NOX4: variants seen among roughly 807,000 people sequenced by gnomAD.
NOX4 encodes NADPH oxidase 4, also known as kidney oxidase-1.
NOX4 carries 69 observed loss-of-function variants against 87.6 expected under a neutral mutation model. The observed-to-expected ratio is 0.79, with a 90% CI of 0.65 to 0.96. The LOEUF is 0.96. Ranked by LOEUF, NOX4 falls within the 40% of genes least tolerant of loss-of-function variation. NOX4 has a pLI of 0.00. For synonymous variants in NOX4, 275 were observed against 238.2 expected (o/e 1.15, Z -1.42); for missense variants, 680 against 681.5 (o/e 1.00, Z 0.02).
chr11:89,491,401 C>T (rs1020260310), upstream of NOX4: 9 of 670,090 alleles, frequency 1.3e-5, no homozygotes, highest in Non-Finnish European at 2.1e-5. Context: ...CGGCGCCGAG[C>T]CAGCCCGGGC....
chr11:89,453,104 C>T (rs1945040818), intron 2 of NOX4, among the ~76,000 whole-genome samples: 1 of 152,072 alleles, frequency 6.6e-6, no homozygotes, highest in African/African-American at 2.4e-5. Flanking sequence ...ACAATACACA[C>T]TATTATTAAC....
intron 13 of NOX4, among the ~76,000 whole-genome samples, chr11:89,342,949 G>A: frequency 6.6e-6 from 1 of 152,090 alleles, no homozygotes; most frequent in East Asian, 1.9e-4. Context: ...ATTCAGGGAA[G>A]CAAAAAGTCC....
chr11:89,511,659 GC>G, the NOX4 span, among the ~76,000 whole-genome samples: 1 of 151,874 alleles, frequency 6.6e-6, no homozygotes, highest in South Asian at 2.1e-4. Flanking sequence ...ATCAGATTTG[GC>G]CAACTCTTGA....
chr11:89,391,939 CCCCTTCCCCTTCTCCT>C (rs1478338887), intron 11 of NOX4, among the ~76,000 whole-genome samples: 3 of 148,128 alleles, frequency 2.0e-5, no homozygotes, highest in African/African-American at 7.5e-5. Context: ...CCTTCCCCTT[CCCCTTCCCCTTCTCCT>C]TCCTTCCTTC....
chr11:89,560,018 T>C, the NOX4 span, among the ~76,000 whole-genome samples: 1 of 152,086 alleles, frequency 6.6e-6, no homozygotes, highest in African/African-American at 2.4e-5. Context: ...CATTTGGAAG[T>C]TGGGTCTTTG....
intron 6 of NOX4, among the ~76,000 whole-genome samples, chr11:89,434,445 T>C (rs947421022): frequency 1.8e-4 from 28 of 152,052 alleles, no homozygotes; most frequent in Non-Finnish European, 7.4e-5. Flanking sequence ...GTACTTCCTT[T>C]TTCATGATTT....
chr11:89,505,515 T>A, the NOX4 span, among the ~76,000 whole-genome samples: 1 of 151,422 alleles, frequency 6.6e-6, no homozygotes, highest in Non-Finnish European at 1.5e-5. Context: ...CTCAGAGGAG[T>A]CTCAGATACT....
At chr11:89,476,685 G>T (rs1946181999) in intron 2 of NOX4, among the ~76,000 whole-genome samples, 1 of 152,084 alleles carries the variant, frequency 6.6e-6, no homozygotes, top group South Asian at 2.1e-4. Context: ...TCATGATGAT[G>T]CTATTTGAAG....
rs1939998609 is a variant in NOX4, at chr11:89,378,201, G to T, written c.1075-4709C>A. Among the ~76,000 whole-genome samples, 11 of 152,110 alleles carry T rather than the reference G, an allele frequency of 7.2e-5. 1 individual carries two copies. The South Asian group carries it at 2.3e-3, about 32-fold the overall frequency. The stretch of plus-strand genomic sequence containing the variant: ...GCACATCTGTTTCAAATTCTTTCTG[G>T]CTTTATATTCCATGTTTCTCCTTTT... On this transcript the variant is annotated intron_variant, in intron 11 of 17. Transcript: ENST00000263317.
In NOX4 at chr11:89,325,890, T is replaced by A. The variant is rs1455963879; in HGVS notation, c.*866A>T. 1 of 94,388 alleles carries A rather than the reference T, an allele frequency of 1.1e-5. No individual in the cohort carries two copies. The highest frequency in any genetic ancestry group is 2.2e-5 in the Non-Finnish European group (1 of 46,370). 5.8% of individuals were successfully genotyped at this position (94,388 alleles called of 1,614,324 possible). On this transcript the variant is annotated 3_prime_UTR_variant, in exon 18 of 18. Transcript: ENST00000263317. Reference sequence around the variant, plus strand: ...GAAAAGTTATTAGTATATGTGTATATATATATATATATATATATATGTGTG... The same window carrying A: ...GAAAAGTTATTAGTATATGTGTATAAATATATATATATATATATATGTGTG...
chr11:89,460,687 G>A (rs907366252), intron 2 of NOX4, among the ~76,000 whole-genome samples: 1 of 152,170 alleles, frequency 6.6e-6, no homozygotes, highest in Non-Finnish European at 1.5e-5. Context: ...TGGAGAAACA[G>A]GAACACTTTT....
chr11:89,358,386 C>CAAAAAAAAAAAAAAA (rs10558391), intron 12 of NOX4, among the ~76,000 whole-genome samples: 27 of 78,152 alleles, frequency 3.5e-4, no homozygotes, highest in East Asian at 1.1e-3. Context: ...AACTTAATCT[C>CAAAAAAAAAAAAAAA]AAAAAAAAAA....
intron 12 of NOX4, among the ~76,000 whole-genome samples, chr11:89,367,726 A>T (rs1402454763): frequency 6.6e-6 from 1 of 152,056 alleles, no homozygotes; most frequent in African/African-American, 2.4e-5. Flanking sequence ...ATTTGATTTC[A>T]GTTCCTGTTT....
intron 6 of NOX4, among the ~76,000 whole-genome samples, chr11:89,437,152 A>C (rs1403359270): frequency 6.6e-6 from 1 of 151,882 alleles, no homozygotes; most frequent in African/African-American, 2.4e-5. Flanking sequence ...CATGAGGTCA[A>C]GAGTTCAAGA....
chr11:89,469,424 A>G (rs181443023), intron 2 of NOX4, among the ~76,000 whole-genome samples: 5 of 152,346 alleles, frequency 3.3e-5, no homozygotes, highest in South Asian at 4.1e-4. Context: ...GTCTAAAAAT[A>G]TGTAAATTTG....
chr11:89,571,541 C>T, the NOX4 span, among the ~76,000 whole-genome samples: 4 of 152,096 alleles, frequency 2.6e-5, no homozygotes, highest in Non-Finnish European at 5.9e-5. Flanking sequence ...GTGATCTGCC[C>T]GCCTGGGCCT....
intron 12 of NOX4, among the ~76,000 whole-genome samples, chr11:89,372,630 C>T (rs1939529872): frequency 2.0e-5 from 3 of 151,408 alleles, no homozygotes; most frequent in Non-Finnish European, 4.4e-5. Context: ...TGTGAAGCTT[C>T]TCTTACAGCC....
intron 6 of NOX4, among the ~76,000 whole-genome samples, chr11:89,438,446 T>TTATATAGTATATATAG (rs1390775057): frequency 1.0e-5 from 1 of 99,448 alleles, no homozygotes; most frequent in Admixed American, 1.5e-4. Context: ...ACTATGTATA[T>TTATATAGTATATATAG]TATATAATAT....
At chr11:89,379,160 TAAG>T (rs1418882985) in intron 11 of NOX4, among the ~76,000 whole-genome samples, 4 of 152,068 alleles carry the variant, frequency 2.6e-5, no homozygotes, top group Admixed American at 1.3e-4. Context: ...TGGGGAGTGA[TAAG>T]AATAATAAAG....
Sources: gnomAD v4.1 joint callset for allele counts (sites outside exome capture counted in the v4.1 genomes callset) on GRCh38, gnomAD v4.1.1 for gene constraint, MANE v1.5 for transcripts, NCBI Gene and HGNC (gene_info 2026-07-23, HGNC 2026-07-21) for gene names.